MAML2: variants seen among roughly 807,000 people sequenced by gnomAD.
The protein encoded by MAML2 is mastermind like transcriptional coactivator 2, also known as mastermind-like protein 2.
Under a neutral mutation model 96.1 loss-of-function variants are expected in MAML2, and 22 were observed. That is an observed-to-expected ratio of 0.23 (90% CI 0.16 to 0.33). The LOEUF (loss-of-function observed/expected upper bound fraction) is 0.33. Among genes scored for constraint, MAML2 ranks in the 10% least tolerant of loss-of-function variants. The pLI is 1.00. For synonymous variants in MAML2, 561 were observed against 521.3 expected (o/e 1.08, Z -1.04); for missense variants, 1,367 against 1,392.4 (o/e 0.98, Z 0.29).
chr11:96,168,187 A>G (rs538771438), intron 1 of MAML2, among the ~76,000 whole-genome samples: 58 of 152,362 alleles, frequency 3.8e-4, no homozygotes, highest in African/African-American at 1.3e-3. Context: ...CGTTGAATGA[A>G]TATAACAGTA....
intron 2 of MAML2, among the ~76,000 whole-genome samples, chr11:96,089,168 C>G (rs1242410903): frequency 6.6e-6 from 1 of 152,170 alleles, no homozygotes; most frequent in Middle Eastern, 3.4e-3. Flanking sequence ...TCATCGGTAA[C>G]AGAGATTTAG....
At chr11:96,291,191 T>C (rs1478537717) in intron 1 of MAML2, among the ~76,000 whole-genome samples, 2 of 128,548 alleles carry the variant, frequency 1.6e-5, no homozygotes, top group Non-Finnish European at 3.1e-5. Flanking sequence ...AATGGCGCAA[T>C]ATCGGTTCAC....
rs116057167 is a variant in MAML2, at chr11:96,276,159, C to T, written c.513+65224G>A. Among the ~76,000 whole-genome samples the T allele has an allele frequency of 5.2e-3, 794 of 152,286 alleles. 6 individuals are homozygous for T. The highest frequency in any genetic ancestry group is 0.017 in the African/African-American group (725 of 41,564). On this transcript the variant is annotated intron_variant, in intron 1 of 4. Transcript: ENST00000524717. ...GGTAAAATAATATCAAAGCAGCTAC[C>T]GGTTTCCTGGTCCATTCTCTACTTC...
chr11:96,145,729 C>T (rs773534119), intron 1 of MAML2, among the ~76,000 whole-genome samples: 27 of 152,156 alleles, frequency 1.8e-4, no homozygotes, highest in Non-Finnish European at 3.4e-4. Context: ...TATACTTGTT[C>T]GGGCGTGGTG....
intron 1 of MAML2, among the ~76,000 whole-genome samples, chr11:96,252,335 C>CATTAT (rs1267158471): frequency 7.9e-5 from 12 of 151,774 alleles, no homozygotes; most frequent in African/African-American, 2.9e-4. Flanking sequence ...ATTTCACATG[C>CATTAT]ATTATATCTA....
intron 2 of MAML2, among the ~76,000 whole-genome samples, chr11:96,012,393 T>A (rs956347354): frequency 6.6e-6 from 1 of 152,256 alleles, no homozygotes; most frequent in Non-Finnish European, 1.5e-5. Context: ...TGTTCCTTGC[T>A]GCACGTGTTC....
intron 1 of MAML2, among the ~76,000 whole-genome samples, chr11:96,149,272 C>T (rs1263728089): frequency 6.6e-6 from 1 of 151,610 alleles, no homozygotes; most frequent in Non-Finnish European, 1.5e-5. Context: ...AGAAAGTTAG[C>T]TGGGCATGGT....
In MAML2 at chr11:96,092,161, T is replaced by C. The variant is rs1004364057; in HGVS notation, c.1870A>G (p.Ile624Val). 3 of 1,541,896 alleles carry C rather than the reference T, an allele frequency of 1.9e-6. No homozygotes were observed. Among genetic ancestry groups the C allele is most frequent in the African/African-American group, 1.4e-5 (1 of 69,460 alleles). The stretch of plus-strand genomic sequence containing the variant: ...TGCTGTTGCTGTTGTTGAGCTGAAA[T>C]TGAACTCTGCTGTTGCTGTTGCTGT... ...QQQQQQQQSSISAQQQQQQQS... is the reference protein window; with the variant it reads ...QQQQQQQQSSVSAQQQQQQQS... The change falls in exon 2 of 5, where the codon ATT becomes GTT. Residue 624 changes from isoleucine (I) to valine (V), a missense_variant. By Grantham distance (29) the Ile-to-Val change is conservative. Transcript: ENST00000524717. This position sits in a 1 kb window ranked among gnomAD's most constrained non-coding sequence, Gnocchi z 4.1.
At chr11:96,001,322 T>C (rs535048362) in intron 2 of MAML2, among the ~76,000 whole-genome samples, 1 of 152,176 alleles carries the variant, frequency 6.6e-6, no homozygotes, top group South Asian at 2.1e-4. Flanking sequence ...TGGGAAGAGT[T>C]TGGTAACTCA....
chr11:96,274,021 T>C (rs1277295512), intron 1 of MAML2, among the ~76,000 whole-genome samples: 1 of 151,812 alleles, frequency 6.6e-6, no homozygotes, highest in Non-Finnish European at 1.5e-5. Flanking sequence ...CAGTCTCTCT[T>C]GGTATTTTCA....
At chr11:96,242,436 C>T (rs920547162) in intron 1 of MAML2, among the ~76,000 whole-genome samples, 2 of 152,106 alleles carry the variant, frequency 1.3e-5, no homozygotes, top group Non-Finnish European at 2.9e-5. Context: ...ATTTTAGTGA[C>T]AAGATTTCCT....
At chr11:96,135,545 C>CTTTT (rs10665067) in intron 1 of MAML2, among the ~76,000 whole-genome samples, 41,884 of 138,562 alleles carry the variant, frequency 0.3, 7,620 homozygotes, top group East Asian at 0.73. Flanking sequence ...CAATCCAAGG[C>CTTTT]TTTTTTTTTT....
intron 2 of MAML2, among the ~76,000 whole-genome samples, chr11:96,002,191 A>G (rs1434685341): frequency 6.6e-6 from 1 of 152,140 alleles, no homozygotes; most frequent in Non-Finnish European, 1.5e-5. Context: ...GAAGGCTGGG[A>G]CATGTTCATT....
intron 1 of MAML2, among the ~76,000 whole-genome samples, chr11:96,324,954 ATACAT>A (rs1431913325): frequency 5.3e-5 from 8 of 152,184 alleles, no homozygotes; most frequent in Non-Finnish European, 1.0e-4. Context: ...GTGGGCTTTC[ATACAT>A]TAAAAGGTTT....
intron 1 of MAML2, among the ~76,000 whole-genome samples, chr11:96,216,212 CAG>C (rs1862048272): frequency 6.6e-6 from 1 of 152,158 alleles, no homozygotes; most frequent in Non-Finnish European, 1.5e-5. Flanking sequence ...CAGTGTTGCA[CAG>C]AGGGAAGAAC....
intron 2 of MAML2, among the ~76,000 whole-genome samples, chr11:96,032,041 G>A (rs1230333063): frequency 6.6e-6 from 1 of 151,890 alleles, no homozygotes; most frequent in Non-Finnish European, 1.5e-5. Context: ...GTACATCAGT[G>A]GGCCAAGATG....
intron 2 of MAML2, 56 bp from the exon 3 acceptor site, chr11:95,991,779 T>A: frequency 7.4e-7 from 1 of 1,358,212 alleles, no homozygotes; most frequent in Non-Finnish European, 1.1e-6. Context: ...AAGAAAAATG[T>A]AGCACAAAGA....
chr11:96,104,734 T>C (rs143713532), intron 1 of MAML2, among the ~76,000 whole-genome samples: 32 of 150,524 alleles, frequency 2.1e-4, no homozygotes, highest in Admixed American at 1.9e-3. Context: ...GGAAAGCAAG[T>C]CTAAAGAGAT....
At chr11:96,085,750 T>C (rs191928162) in intron 2 of MAML2, among the ~76,000 whole-genome samples, 1 of 152,290 alleles carries the variant, frequency 6.6e-6, no homozygotes, top group East Asian at 1.9e-4. Context: ...ATGAGAATAA[T>C]AGAAGCCATT....
Sources: allele counts gnomAD v4.1 joint callset (sites outside exome capture counted in the v4.1 genomes callset), GRCh38; gene constraint gnomAD v4.1.1; non-coding constraint Gnocchi (gnomAD v3.1); transcripts MANE v1.5; gene names NCBI Gene and HGNC (gene_info 2026-07-23, HGNC 2026-07-21).